DAB1: variants seen among roughly 807,000 people sequenced by gnomAD.
DAB1 encodes DAB adaptor protein 1.
In DAB1, 15 loss-of-function variants were observed where a neutral mutation model predicts 64.6. The observed-to-expected ratio is 0.23, with a 90% confidence interval of 0.16 to 0.36. The LOEUF (loss-of-function observed/expected upper bound fraction) is 0.36. DAB1 is among the 10% of genes least tolerant of loss of function. The pLI, the probability that DAB1 is intolerant of heterozygous loss-of-function variation, is 1.00. For synonymous variants in DAB1, 235 were observed against 251.9 expected, an observed-to-expected ratio of 0.93 and a Z score of 0.64; for missense variants, 596 against 706.7, an observed-to-expected ratio of 0.84 and a Z score of 1.78.
At position 57,014,956 on chromosome 1, in the gene DAB1, G is replaced by T. The variant is rs368712456; in HGVS notation, c.1371C>A (p.Asp457Glu). The T allele has an allele frequency of 1.2e-6, 2 of 1,613,514 alleles. No homozygotes were observed. The highest frequency in any genetic ancestry group is 1.3e-5 in the African/African-American group (1 of 75,014). The change falls in exon 12 of 15, where the codon GAC becomes GAA. Residue 457 changes from aspartate (D) to glutamate (E), a missense_variant. Coordinates refer to ENST00000371236, the MANE Select transcript of DAB1 (RefSeq NM_001365792.1). ...FNKVGVAQDT[D>E]DCDDFDISQL... ...GGGAGATGTCAAAGTCATCACAGTC[G>T]TCTGTATCCTGTGCCACCCCGACTT... is the stretch of plus-strand genomic sequence containing the variant.
chr1:58,513,149 GTTCCCCCA>G (rs1367906675), intron 2 of DAB1, among the ~76,000 whole-genome samples: 1 of 152,142 alleles, frequency 6.6e-6, no homozygotes, highest in East Asian at 1.9e-4. Flanking sequence ...CATGACAGCA[GTTCCCCCA>G]TGCTGTTCTC....
At chr1:57,381,898 G>C (rs142843501) in intron 1 of DAB1, among the ~76,000 whole-genome samples, 17 of 152,288 alleles carry the variant, frequency 1.1e-4, no homozygotes, top group African/African-American at 3.4e-4. Flanking sequence ...TGGTCCTGGG[G>C]TGACCTGAAT....
chr1:58,058,378 C>G (rs968655436), intron 5 of DAB1, among the ~76,000 whole-genome samples: 1 of 152,142 alleles, frequency 6.6e-6, no homozygotes, highest in Admixed American at 6.5e-5. Flanking sequence ...ACCAGCAAAC[C>G]CCATTGCATG....
intron 2 of DAB1, among the ~76,000 whole-genome samples, chr1:57,170,661 C>T (rs563272759): frequency 6.6e-6 from 1 of 152,252 alleles, no homozygotes; most frequent in African/African-American, 2.4e-5. Flanking sequence ...GTCCAACGTC[C>T]GTGCTCTCTG....
chr1:58,304,162 G>T (rs1182418107), intron 4 of DAB1, among the ~76,000 whole-genome samples: 1 of 152,082 alleles, frequency 6.6e-6, no homozygotes, highest in East Asian at 1.9e-4. Context: ...TCAAATATTT[G>T]ATACTCAGGC....
chr1:57,460,382 T>C (rs766006191), intron 7 of DAB1, among the ~76,000 whole-genome samples: 58 of 152,274 alleles, frequency 3.8e-4, no homozygotes, highest in South Asian at 1.5e-3. Context: ...AACCCATCCA[T>C]CCTAGCCACA....
intron 5 of DAB1, among the ~76,000 whole-genome samples, chr1:57,917,278 G>C (rs1479034715): frequency 6.6e-6 from 1 of 152,198 alleles, no homozygotes; most frequent in Non-Finnish European, 1.5e-5. Context: ...GCAGTGTAGG[G>C]AGGTCTTGGC....
chr1:57,571,256 G>A (rs1645190828), intron 7 of DAB1, among the ~76,000 whole-genome samples: 2 of 152,158 alleles, frequency 1.3e-5, no homozygotes, highest in African/African-American at 2.4e-5. Context: ...TAGAAGTGGT[G>A]AAAGTGGGCA....
intron 4 of DAB1, among the ~76,000 whole-genome samples, chr1:58,293,963 A>G (rs77882672): frequency 0.014 from 2,144 of 152,282 alleles, 24 homozygotes; most frequent in Middle Eastern, 0.031. Context: ...GCACATTTTG[A>G]TGACAGCAGA....
chr1:58,312,830 T>A (rs1056852047), intron 4 of DAB1, among the ~76,000 whole-genome samples: 6 of 152,100 alleles, frequency 3.9e-5, no homozygotes, highest in African/African-American at 7.2e-5. Flanking sequence ...CTGTTCTTGG[T>A]TTCCTCATTT....
chr1:57,277,836 T>C (rs1166323281), intron 2 of DAB1, among the ~76,000 whole-genome samples: 1 of 152,210 alleles, frequency 6.6e-6, no homozygotes, highest in African/African-American at 2.4e-5. Flanking sequence ...GATTCAGGTC[T>C]GCCATTCATC....
chr1:57,990,404 C>G (rs11576594), intron 5 of DAB1, among the ~76,000 whole-genome samples: 50,002 of 152,150 alleles, frequency 0.33, 9,790 homozygotes, highest in Non-Finnish European at 0.46. Context: ...TAATTTATCC[C>G]CAAACATACC....
chr1:57,100,240 T>A (rs77716468), intron 4 of DAB1, among the ~76,000 whole-genome samples: 258 of 152,320 alleles, frequency 1.7e-3, no homozygotes, highest in Non-Finnish European at 2.9e-3. Context: ...GCAAATTAAT[T>A]AATACATAGA....
chr1:57,679,481 C>T (rs1646611562), intron 6 of DAB1, among the ~76,000 whole-genome samples: 2 of 152,202 alleles, frequency 1.3e-5, no homozygotes, highest in African/African-American at 2.4e-5. Context: ...CTGAGAGCAT[C>T]GTTCACAGTC....
chr1:57,166,406 C>T (rs1045540889), intron 2 of DAB1, among the ~76,000 whole-genome samples: 1 of 152,110 alleles, frequency 6.6e-6, no homozygotes, highest in Non-Finnish European at 1.5e-5. Context: ...CTTTGTATAA[C>T]CTCGAGGAAT....
At chr1:58,369,363 A>ACACATTTTATAAG (rs1553178028) in intron 3 of DAB1, among the ~76,000 whole-genome samples, 1 of 152,216 alleles carries the variant, frequency 6.6e-6, no homozygotes, top group Non-Finnish European at 1.5e-5. Flanking sequence ...TGGTTATAAG[A>ACACATTTTATAAG]CACATTTTTA....
rs1027492903 is a variant in DAB1 at position 58,123,429 on chromosome 1, A to G, written n.387+27082T>C. Reference sequence around the variant, plus strand: ...ATAAACTATATAGCAGGATTTTCCAATTGGTGATGGGGGCAGGGGTTGGAG... The same window carrying G: ...ATAAACTATATAGCAGGATTTTCCAGTTGGTGATGGGGGCAGGGGTTGGAG... On this transcript the variant is annotated intron_variant and non_coding_transcript_variant, in intron 5 of 20. Transcript: ENST00000485760. Among the ~76,000 whole-genome samples, 21 of 152,238 alleles carry G rather than the reference A, an allele frequency of 1.4e-4. No homozygotes were observed. In the South Asian group the frequency reaches 3.5e-3, roughly 26 times the overall value.
chr1:57,682,670 G>A (rs1646649513), intron 6 of DAB1, among the ~76,000 whole-genome samples: 1 of 152,046 alleles, frequency 6.6e-6, no homozygotes, highest in Admixed American at 6.6e-5. Flanking sequence ...ATGTGAACTG[G>A]CAAGGGGCTT....
chr1:58,440,936 T>C (rs897221406), intron 3 of DAB1, among the ~76,000 whole-genome samples: 1 of 152,076 alleles, frequency 6.6e-6, no homozygotes, highest in Admixed American at 6.5e-5. Flanking sequence ...GCTACTACAG[T>C]GGGTAACTAG....
Sources: allele counts gnomAD v4.1 joint callset (sites outside exome capture counted in the v4.1 genomes callset), GRCh38; gene constraint gnomAD v4.1.1; transcripts MANE v1.5; gene names NCBI Gene and HGNC (gene_info 2026-07-23, HGNC 2026-07-21).